The following PDZD4 variants were observed in gnomAD, a reference collection of about 807,000 sequenced individuals.
The protein encoded by PDZD4 is PDZ domain containing 4.
Under a neutral mutation model 38.5 loss-of-function variants are expected in PDZD4, and 9 were observed. The observed-to-expected ratio is 0.23, with a 90% CI of 0.14 to 0.41. The LOEUF (loss-of-function observed/expected upper bound fraction) is 0.41, where lower values mean the gene tolerates loss of function less well. Ranked by LOEUF, PDZD4 falls within the 10% of genes least tolerant of loss-of-function variation. The pLI, the probability that PDZD4 is intolerant of heterozygous loss-of-function variation, is 1.00. For missense variants in PDZD4, 612 were observed against 722.0 expected, an observed-to-expected ratio of 0.85 and a Z score of 1.75; for synonymous variants, 349 against 315.7, an observed-to-expected ratio of 1.11 and a Z score of -1.12.
In PDZD4 at chrX:153,808,540, C is replaced by T. The variant is rs782639746; in HGVS notation, c.116G>A (p.Arg39His). The change falls in exon 2 of 8, where the codon CGC (arginine) becomes CAC (histidine). Residue 39 changes from arginine (R) to histidine (H), a missense_variant. Coordinates refer to ENST00000393758, the MANE Select transcript of PDZD4 (RefSeq NM_001303512.2). The stretch of plus-strand genomic sequence containing the variant: ...GATCACCAGGGGCTCCTTGGAGGAG[C>T]GCAGGGCCTGCAGAGTTTGCTCCTG... ...LSQEQTLQAL[R>H]SSKEPLVIQV... is the part of the protein sequence containing the mutation. 4 of 1,203,041 alleles carry T rather than the reference C, an allele frequency of 3.3e-6. No homozygotes were observed. The highest frequency in any genetic ancestry group is 3.4e-6 in the Non-Finnish European group (3 of 891,451).
chrX:153,807,521 C>T, intron 2 of PDZD4, 152 bp from the exon 3 acceptor site: 5 of 580,515 alleles, frequency 8.6e-6, no homozygotes, highest in Non-Finnish European at 1.4e-5. Context: ...CCTGCAGAGC[C>T]CCTTCCTGGG....
chrX:153,809,511 C>G (rs1443199271), intron 1 of PDZD4, among the ~76,000 whole-genome samples: 1 of 112,459 alleles, frequency 8.9e-6, no homozygotes, highest in African/African-American at 3.2e-5. Context: ...GGCATGAACC[C>G]AGGAGGCGGA....
intron 1 of PDZD4, among the ~76,000 whole-genome samples, chrX:153,824,100 C>G (rs2064455604): frequency 8.9e-6 from 1 of 111,774 alleles, no homozygotes; most frequent in Admixed American, 9.5e-5. Context: ...ACCGTCAGGA[C>G]AGTGGCCATT....
chrX:153,829,478 A>G, intron 1 of PDZD4: 1 of 115,642 alleles, frequency 8.6e-6, no homozygotes, highest in Non-Finnish European at 1.8e-5. Flanking sequence ...GTGCACACAG[A>G]AAGTACACAA....
Position 153,807,727 on chromosome X carries a change from C to T in PDZD4, c.315-358G>A, listed in dbSNP as rs2064267882. 11 of 410,036 alleles carry T rather than the reference C, an allele frequency of 2.7e-5. No homozygotes were observed. The Admixed American group carries it at 4.6e-4, about 17-fold the overall frequency. The allele number at this position is 410,036 out of a possible 1,213,427, so 33.8% of individuals were successfully genotyped here. ...CCCAGCACTGGCCCCACTCATGCAA[C>T]GCCCCCAGGAGTTATCCAGGCCCTG... On this transcript the variant is annotated intron_variant, in intron 2 of 7. Transcript: ENST00000393758.
chrX:153,806,664 G>T lies in PDZD4; in HGVS notation c.504+78C>A. 2.2e-5 allele frequency: 20 copies of T among 923,805 alleles called. No individual in the cohort carries two copies. In the South Asian group the frequency reaches 3.8e-4, roughly 18 times the overall value. The allele number at this position is 923,805 out of a possible 1,213,427, so 76.1% of individuals were successfully genotyped here. ...TGTGATGCCCTGTTTCTGGTAGCTG[G>T]GACCTTAAGGGCAGCCTCTGAGCCA... On this transcript the variant is annotated intron_variant, in intron 4 of 7. Transcript: ENST00000393758.
At chrX:153,829,830 G>T (rs1396219650) in intron 1 of PDZD4, 2 of 767,710 alleles carry the variant, frequency 2.6e-6, no homozygotes, top group African/African-American at 2.3e-5. Context: ...CTTGGACCGC[G>T]CCCGGGGACG....
chrX:153,807,196 G>A (rs981727995), intron 3 of PDZD4, 83 bp downstream of exon 3: 1 of 1,010,239 alleles, frequency 9.9e-7, no homozygotes, highest in Non-Finnish European at 1.4e-6. Context: ...GGGCCACGGG[G>A]TTGGGCCTGG....
intron 4 of PDZD4, 30 bp from the exon 5 acceptor site, chrX:153,806,163 G>C: frequency 1.7e-6 from 2 of 1,203,738 alleles, no homozygotes; most frequent in Non-Finnish European, 2.3e-6. Flanking sequence ...TGGGGACTTG[G>C]TGCCTAACAT....
chrX:153,808,644 C>A, intron 1 of PDZD4, 49 bp from the exon 2 acceptor site: 2 of 1,101,383 alleles, frequency 1.8e-6, no homozygotes, highest in Non-Finnish European at 2.4e-6. Context: ...CTTGCTCCTC[C>A]CCTCTGAGGT....
At chrX:153,807,238 C>T (rs1276311398) in intron 3 of PDZD4, 41 bp downstream of exon 3, 1 of 1,181,026 alleles carries the variant, frequency 8.5e-7, no homozygotes, top group Non-Finnish European at 1.1e-6. Context: ...GGGGCGGCTC[C>T]CGCAGCTGGC....
rs782193313 is a variant in PDZD4, at chrX:153,804,539, A to C, written c.1142T>G (p.Leu381Arg). 1 of 1,208,252 alleles carries C rather than the reference A, an allele frequency of 8.3e-7. No homozygotes were observed. The highest frequency in any genetic ancestry group is 1.7e-5 in the African/African-American group (1 of 57,364). The change falls in exon 8 of 8, where the codon CTC (leucine) becomes CGC (arginine). Residue 381 changes from leucine to arginine, a missense_variant. Coordinates refer to ENST00000393758, the MANE Select transcript of PDZD4 (RefSeq NM_001303512.2). ...GCCTCCGGAGGCCCGGGGAAAGAGG[A>C]GGCCCAGCTGGTTGCCGTTCTCCAG... The part of the protein sequence containing the change: ...CHLENGNQLG[L>R]LFPRASGGNS...
chrX:153,811,368 C>A (rs1326430028), intron 1 of PDZD4, among the ~76,000 whole-genome samples: 1 of 111,783 alleles, frequency 8.9e-6, no homozygotes, highest in East Asian at 2.8e-4. Context: ...AACTCCTGAC[C>A]TCAAGTAATC....
At chrX:153,821,653 G>A (rs1436506900) in intron 1 of PDZD4, among the ~76,000 whole-genome samples, 1 of 111,242 alleles carries the variant, frequency 9.0e-6, no homozygotes, top group Non-Finnish European at 1.9e-5. Context: ...TAGTGGCTCA[G>A]TCAGAAAGTG....
chrX:153,803,697 C>T lies in PDZD4; in HGVS notation c.1984G>A (p.Glu662Lys). The T allele has an allele frequency of 8.3e-7, 1 of 1,210,487 alleles. No homozygotes were observed. The highest frequency in any genetic ancestry group is 3.0e-5 in the East Asian group (1 of 33,844). The stretch of plus-strand genomic sequence containing the variant: ...TCGTCGGTCGTCATACCGCTGCGCT[C>T]CTCCCGGATCTTCAGGGCACGGGCT... ...LKARALKIRE[E>K]RSGMTTDDDA... Residue 662 changes from glutamate (E) to lysine (K), a missense_variant, in exon 8 of 8, where the codon GAG becomes AAG. Glu to Lys is a moderately conservative substitution (Grantham distance 56, BLOSUM62 1). Coordinates refer to ENST00000393758, the MANE Select transcript of PDZD4 (RefSeq NM_001303512.2).
intron 1 of PDZD4, among the ~76,000 whole-genome samples, chrX:153,821,418 T>C (rs1227124194): frequency 1.6e-4 from 18 of 110,378 alleles, no homozygotes; most frequent in Non-Finnish European, 3.2e-4. Context: ...TATGTGTGTT[T>C]TTTTACCCTC....
At chrX:153,823,307 C>T (rs978252323) in intron 1 of PDZD4, among the ~76,000 whole-genome samples, 1 of 109,494 alleles carries the variant, frequency 9.1e-6, no homozygotes, top group African/African-American at 3.3e-5. Flanking sequence ...CAACCTCCAC[C>T]TCCCGGGTTC....
At chrX:153,823,386 T>C (rs1307478705) in intron 1 of PDZD4, among the ~76,000 whole-genome samples, 1 of 110,380 alleles carries the variant, frequency 9.1e-6, no homozygotes, top group East Asian at 2.8e-4. Flanking sequence ...GCCCGGCTAA[T>C]TTTGTATTTT....
At chrX:153,820,349 C>CAA (rs140401659) in intron 1 of PDZD4, among the ~76,000 whole-genome samples, 1,077 of 18,084 alleles carry the variant, frequency 0.06, 182 homozygotes, top group Non-Finnish European at 0.07. Flanking sequence ...GACTCCATCT[C>CAA]AAAAAAAAAA....
Sources: allele counts gnomAD v4.1 joint callset (sites outside exome capture counted in the v4.1 genomes callset), GRCh38; gene constraint gnomAD v4.1.1; transcripts MANE v1.5; gene names NCBI Gene and HGNC (gene_info 2026-07-23, HGNC 2026-07-21).